The following GRIK4 variants were observed in gnomAD, a reference collection of about 807,000 sequenced individuals.
GRIK4 encodes the protein glutamate receptor ionotropic, kainate 4.
GRIK4 carries 40 observed loss-of-function variants against 104.9 expected under a neutral mutation model. That is an observed-to-expected ratio of 0.38 (90% CI 0.30 to 0.50). The LOEUF (loss-of-function observed/expected upper bound fraction) is 0.50. Ranked by LOEUF, GRIK4 falls within the 20% of genes least tolerant of loss-of-function variation. The probability of loss-of-function intolerance (pLI) is 0.93; values close to 1 mark genes in which losing one functional copy is unlikely to be tolerated. For synonymous variants in GRIK4, 485 were observed against 524.9 expected (o/e 0.92, Z 1.04); for missense variants, 1,047 against 1,308.1 (o/e 0.80, Z 3.08).
At chr11:120,541,537 A>T (rs1327588841) in intron 1 of GRIK4, among the ~76,000 whole-genome samples, 1 of 151,978 alleles carries the variant, frequency 6.6e-6, no homozygotes, top group Non-Finnish European at 1.5e-5. Context: ...TCTGTCGTCC[A>T]GGGTGGAGTG....
rs1161039586 is a variant in GRIK4, at chr11:120,897,254, G to A, written c.1165-1278G>A. On this transcript the variant is annotated intron_variant, in intron 11 of 20. Transcript: ENST00000527524. The stretch of plus-strand genomic sequence containing the variant: ...GTAACTTACCAGAATGAAGAACTGA[G>A]TAAGTTGTGGATTTTTTTCACCTGG... 2.0e-5 allele frequency among the ~76,000 whole-genome samples: 3 copies of A among 152,240 alleles called. No homozygotes were observed. In the East Asian group the frequency reaches 5.8e-4, roughly 29 times the overall value.
At chr11:120,821,933 G>A (rs184680392) in intron 6 of GRIK4, among the ~76,000 whole-genome samples, 343 of 152,208 alleles carry the variant, frequency 2.3e-3, no homozygotes, top group African/African-American at 7.9e-3. Flanking sequence ...CAGTAAAATC[G>A]GTGCGGTGGC....
At chr11:120,798,535 G>A (rs968359040) in intron 3 of GRIK4, among the ~76,000 whole-genome samples, 2 of 152,054 alleles carry the variant, frequency 1.3e-5, no homozygotes, top group Non-Finnish European at 2.9e-5. Context: ...GGAATGCGGT[G>A]GCATGATCCT....
chr11:120,842,568 A>G (rs1953744081), intron 8 of GRIK4, among the ~76,000 whole-genome samples: 1 of 152,258 alleles, frequency 6.6e-6, no homozygotes, highest in South Asian at 2.1e-4. Flanking sequence ...AGCAACTAGA[A>G]TCCCAAGCCC....
chr11:120,952,743 T>C lies in GRIK4; in HGVS notation c.1591-112T>C, dbSNP rs1944032096. 2.6e-6 allele frequency: 2 copies of C among 770,838 alleles called. No individual in the cohort carries two copies. Among genetic ancestry groups the C allele is most frequent in the Non-Finnish European group, 2.3e-6 (1 of 426,278 alleles). The allele number at this position is 770,838 out of a possible 1,614,324, so 47.7% of individuals were successfully genotyped here. A position where few individuals can be genotyped will look rare whatever the true frequency, so the allele number is the denominator to read the frequency against. ...ACCAATCACCCAGAACCCACAGAAA[T>C]GGGAACTGGGGCCAGACCCACACTC... On this transcript the variant is annotated intron_variant, in intron 14 of 20. Transcript: ENST00000527524. The surrounding 1 kb of genome is among the most constrained non-coding windows in gnomAD (Gnocchi z 5.2).
At chr11:120,787,424 G>GTAATTTTATT (rs1952302459) in intron 3 of GRIK4, among the ~76,000 whole-genome samples, 1 of 151,332 alleles carries the variant, frequency 6.6e-6, no homozygotes, top group African/African-American at 2.4e-5. Context: ...TTCTTTTGAT[G>GTAATTTTATT]TTATTTTATT....
At chr11:120,900,786 C>T (rs951817594) in intron 12 of GRIK4, among the ~76,000 whole-genome samples, 5 of 152,164 alleles carry the variant, frequency 3.3e-5, no homozygotes, top group Non-Finnish European at 7.3e-5. Context: ...GTTCCAGCCC[C>T]CAGGGTTTCA....
In GRIK4 at chr11:120,763,358, G is replaced by A. The variant is rs557551378; in HGVS notation, c.83-39335G>A. ...CTTTTTCTTTATTAGTCTGGTTAGT[G>A]GTCTATCTATTTTGTTAGTCTTTTC... On this transcript the variant is annotated intron_variant, in intron 3 of 20. Transcript: ENST00000527524. 3.3e-5 allele frequency among the ~76,000 whole-genome samples: 5 copies of A among 152,094 alleles called. No homozygotes were observed. The East Asian group carries it at 9.6e-4, about 29-fold the overall frequency.
chr11:120,797,654 A>G (rs895760571), intron 3 of GRIK4, among the ~76,000 whole-genome samples: 3 of 152,178 alleles, frequency 2.0e-5, no homozygotes, highest in Admixed American at 1.3e-4. Context: ...GCCAGATAGG[A>G]ATCACTGTCG....
chr11:120,847,322 A>G (rs1314044994), intron 8 of GRIK4, among the ~76,000 whole-genome samples: 1 of 152,190 alleles, frequency 6.6e-6, no homozygotes, highest in Non-Finnish European at 1.5e-5. Context: ...TGAAGAATAA[A>G]ATTCTGATTT....
chr11:120,703,845 A>G (rs1218475578), intron 3 of GRIK4, among the ~76,000 whole-genome samples: 1 of 152,130 alleles, frequency 6.6e-6, no homozygotes. Flanking sequence ...TTTCCTATAC[A>G]TGGTAGGTAC....
intron 11 of GRIK4, among the ~76,000 whole-genome samples, chr11:120,896,022 CCAA>C (rs1274451994): frequency 6.6e-6 from 1 of 152,204 alleles, no homozygotes; most frequent in Admixed American, 6.5e-5. Context: ...CCTAGCCTCA[CCAA>C]CAACAGCAAT....
At chr11:120,683,829 G>T (rs1348838303) in intron 3 of GRIK4, among the ~76,000 whole-genome samples, 1 of 152,212 alleles carries the variant, frequency 6.6e-6, no homozygotes, top group African/African-American at 2.4e-5. Flanking sequence ...CCATAGAAAA[G>T]TAAAGAAGGG....
At chr11:120,529,016 C>T (rs565750760) in intron 1 of GRIK4, among the ~76,000 whole-genome samples, 94 of 152,248 alleles carry the variant, frequency 6.2e-4, no homozygotes, top group Middle Eastern at 3.4e-3. Flanking sequence ...ATGCTGTTCA[C>T]TCTGCCTGCA....
At chr11:120,655,278 C>T (rs1211159187) in intron 2 of GRIK4, among the ~76,000 whole-genome samples, 1 of 151,662 alleles carries the variant, frequency 6.6e-6, no homozygotes, top group African/African-American at 2.4e-5. Flanking sequence ...TGCAGTCCAT[C>T]AGGGGATGGG....
chr11:120,738,046 A>G (rs1022697006), intron 3 of GRIK4, among the ~76,000 whole-genome samples: 10 of 151,640 alleles, frequency 6.6e-5, no homozygotes, highest in Admixed American at 4.6e-4. Flanking sequence ...CCCAGGACTG[A>G]GCCTTGGGGG....
At chr11:120,528,491 G>A (rs879384516) in intron 1 of GRIK4, among the ~76,000 whole-genome samples, 10 of 152,290 alleles carry the variant, frequency 6.6e-5, no homozygotes, top group Admixed American at 5.9e-4. Flanking sequence ...CTGAGGGCAG[G>A]GACTATGGGG....
intron 3 of GRIK4, among the ~76,000 whole-genome samples, chr11:120,677,645 G>A (rs947364339): frequency 6.6e-6 from 1 of 152,254 alleles, no homozygotes; most frequent in African/African-American, 2.4e-5. Context: ...ACTAGAGGGC[G>A]ATACGAAATA....
Position 120,929,712 on chromosome 11 carries a change from T to C in GRIK4, c.1477-10635T>C, listed in dbSNP as rs371439828. Among the ~76,000 whole-genome samples the C allele has an allele frequency of 9.6e-4, 146 of 152,196 alleles. No homozygotes were observed. The Middle Eastern group carries it at 0.014, about 14-fold the overall frequency. ...CCGCTGATAGCTGCTTTAAGCCAGA[T>C]TGGAGCATGGGGCCCTTCCTCTTCT... is the stretch of plus-strand genomic sequence containing the variant. On this transcript the variant is annotated intron_variant, in intron 13 of 20. Coordinates refer to ENST00000527524, the MANE Select transcript of GRIK4 (RefSeq NM_014619.5).
Sources: gnomAD v4.1 joint callset for allele counts (sites outside exome capture counted in the v4.1 genomes callset) on GRCh38, gnomAD v4.1.1 for gene constraint, Gnocchi (gnomAD v3.1) non-coding constraint, MANE v1.5 for transcripts, NCBI Gene and HGNC (gene_info 2026-07-23, HGNC 2026-07-21) for gene names.